MEIS2: variants seen among roughly 807,000 people sequenced by gnomAD.
The protein encoded by MEIS2 is homeobox protein Meis2.
In MEIS2, 9 loss-of-function variants were observed where a neutral mutation model predicts 58.6. The ratio of observed to expected loss-of-function variants is 0.15; its 90% CI spans 0.09 to 0.27. The LOEUF (loss-of-function observed/expected upper bound fraction) is 0.27. Among genes scored for constraint, MEIS2 ranks in the 10% least tolerant of loss-of-function variants. The pLI is 1.00. For synonymous variants in MEIS2, 221 were observed against 228.4 expected, an observed-to-expected ratio of 0.97 and a Z score of 0.29; for missense variants, 427 against 635.0, an observed-to-expected ratio of 0.67 and a Z score of 3.52.
chr15:37,073,514 A>G (rs1272873174), intron 7 of MEIS2, among the ~76,000 whole-genome samples: 1 of 152,006 alleles, frequency 6.6e-6, no homozygotes, highest in African/African-American at 2.4e-5. Context: ...TTTGTGTATT[A>G]AATTTAAACA....
chr15:36,984,706 A>G (rs1210167635), intron 8 of MEIS2, among the ~76,000 whole-genome samples: 1 of 152,154 alleles, frequency 6.6e-6, no homozygotes, highest in Non-Finnish European at 1.5e-5. Context: ...TCACCAGTGA[A>G]GCCCTTAGGT....
chr15:36,976,223 T>C (rs2059747477), intron 8 of MEIS2, among the ~76,000 whole-genome samples: 2 of 152,004 alleles, frequency 1.3e-5, no homozygotes, highest in South Asian at 4.2e-4. Flanking sequence ...TAGCTGGGAT[T>C]ACAGGCGGCC....
chr15:36,894,759 T>C, intron 11 of MEIS2: 1 of 1,613,892 alleles, frequency 6.2e-7, no homozygotes, highest in South Asian at 1.1e-5. Flanking sequence ...GAAGGTTACA[T>C]GTAGTGCCAT....
At chr15:37,091,078 T>C (rs558806194) in intron 6 of MEIS2, among the ~76,000 whole-genome samples, 1 of 152,260 alleles carries the variant, frequency 6.6e-6, no homozygotes, top group Non-Finnish European at 1.5e-5. Context: ...ATTGGGCACA[T>C]TTACATGCTG....
intron 8 of MEIS2, among the ~76,000 whole-genome samples, chr15:37,005,547 C>T (rs1221990422): frequency 6.6e-6 from 1 of 152,106 alleles, no homozygotes; most frequent in East Asian, 1.9e-4. Flanking sequence ...ATTCTGTAGG[C>T]CAGTCCTACC....
At chr15:37,043,649 C>T (rs1483908191) in intron 7 of MEIS2, among the ~76,000 whole-genome samples, 1 of 150,570 alleles carries the variant, frequency 6.6e-6, no homozygotes, top group African/African-American at 2.4e-5. Flanking sequence ...TTTCAGTAAC[C>T]AGTTCTCTAT....
chr15:37,024,479 A>T (rs1033570845), intron 8 of MEIS2, among the ~76,000 whole-genome samples: 1 of 152,210 alleles, frequency 6.6e-6, no homozygotes, highest in African/African-American at 2.4e-5. Context: ...CTTCCACAGA[A>T]GTTCATCCAC....
chr15:36,988,300 C>T (rs1040492780), intron 8 of MEIS2, among the ~76,000 whole-genome samples: 2 of 152,116 alleles, frequency 1.3e-5, no homozygotes, highest in Non-Finnish European at 2.9e-5. Context: ...CCAAATGAGT[C>T]ACATCAGATT....
At chr15:37,013,449 G>A (rs2061234689) in intron 8 of MEIS2, among the ~76,000 whole-genome samples, 1 of 151,658 alleles carries the variant, frequency 6.6e-6, no homozygotes, top group African/African-American at 2.4e-5. Context: ...GTGGGCGCCT[G>A]TAATCCCAGC....
chr15:36,964,668 C>A (rs1177849123), intron 8 of MEIS2, among the ~76,000 whole-genome samples: 3 of 152,072 alleles, frequency 2.0e-5, no homozygotes, highest in African/African-American at 7.2e-5. Flanking sequence ...ATAGTCTGGG[C>A]AGAAGTACAT....
chr15:37,008,642 A>G (rs1415875700), intron 8 of MEIS2, among the ~76,000 whole-genome samples: 1 of 152,226 alleles, frequency 6.6e-6, no homozygotes, highest in African/African-American at 2.4e-5. Flanking sequence ...AATATTTCAG[A>G]AAGTTTTTAA....
chr15:37,044,793 A>ACTAGTTTGTCTGTGAGCTTTTG (rs1359091853), intron 7 of MEIS2, among the ~76,000 whole-genome samples: 1 of 152,110 alleles, frequency 6.6e-6, no homozygotes, highest in African/African-American at 2.4e-5. Flanking sequence ...TTATCTGTTT[A>ACTAGTTTGTCTGTGAGCTTTTG]CTAGTTTGTC....
chr15:36,971,087 G>A (rs920586686), intron 8 of MEIS2, among the ~76,000 whole-genome samples: 1 of 151,238 alleles, frequency 6.6e-6, no homozygotes, highest in African/African-American at 2.4e-5. Flanking sequence ...AAATAAAATT[G>A]CTGTGGTGGT....
chr15:37,083,398 T>G (rs1302257081), intron 7 of MEIS2, among the ~76,000 whole-genome samples: 1 of 152,236 alleles, frequency 6.6e-6, no homozygotes, highest in Non-Finnish European at 1.5e-5. Context: ...AGAATGCTTA[T>G]AGTTGATATT....
At chr15:37,000,909 C>T (rs1426649706) in intron 8 of MEIS2, among the ~76,000 whole-genome samples, 2 of 152,064 alleles carry the variant, frequency 1.3e-5, no homozygotes, top group South Asian at 2.1e-4. Context: ...ACTTCCGGAC[C>T]CCCCACTCTG....
At chr15:36,981,507 G>C (rs2059926946) in intron 8 of MEIS2, among the ~76,000 whole-genome samples, 1 of 152,006 alleles carries the variant, frequency 6.6e-6, no homozygotes, top group Non-Finnish European at 1.5e-5. Context: ...GGAGACTAGG[G>C]GTTCCTTATC....
chr15:36,976,293 C>T (rs964550709), intron 8 of MEIS2, among the ~76,000 whole-genome samples: 20 of 151,698 alleles, frequency 1.3e-4, no homozygotes, highest in South Asian at 6.2e-4. Flanking sequence ...ACCATGTTGG[C>T]CAGGCTGGTC....
upstream of MEIS2, chr15:37,100,768 GGA>G (rs1895025048): frequency 6.6e-6 from 1 of 151,904 alleles, no homozygotes; most frequent in African/African-American, 2.4e-5. Context: ...GCGCGAACAG[GGA>G]GAGAGGGAGA....
chr15:36,927,943 G>GA (rs1036708127), intron 9 of MEIS2, among the ~76,000 whole-genome samples: 27 of 152,124 alleles, frequency 1.8e-4, no homozygotes, highest in African/African-American at 5.8e-4. Context: ...TTAGAGGAAG[G>GA]AAAAAATACT....
Sources: gnomAD v4.1 joint callset for allele counts (sites outside exome capture counted in the v4.1 genomes callset) on GRCh38, gnomAD v4.1.1 for gene constraint, MANE v1.5 for transcripts, NCBI Gene and HGNC (gene_info 2026-07-23, HGNC 2026-07-21) for gene names.